Variants in PSMA1 observed in about 807,000 individuals in gnomAD.
PSMA1 encodes the protein proteasome subunit alpha type-1.
PSMA1 carries 3 observed loss-of-function variants against 38.4 expected under a neutral mutation model. The observed-to-expected ratio is 0.08, with a 90% CI of 0.04 to 0.20. PSMA1 has a LOEUF of 0.20. Ranked by LOEUF, PSMA1 falls within the 10% of genes least tolerant of loss-of-function variation. The pLI, the probability that PSMA1 is intolerant of heterozygous loss-of-function variation, is 1.00. For synonymous variants in PSMA1, 101 were observed against 107.1 expected (o/e 0.94, Z 0.35); for missense variants, 227 against 325.3 (o/e 0.70, Z 2.32).
At chr11:14,638,541 CTCTCTATA>C (rs1397056513) in intron 1 of PSMA1, among the ~76,000 whole-genome samples, 12 of 15,700 alleles carry the variant, frequency 7.6e-4, no homozygotes, top group Admixed American at 1.1e-3. Flanking sequence ...CTCTCTCTCT[CTCTCTATA>C]TATATATATA....
intron 2 of PSMA1, among the ~76,000 whole-genome samples, chr11:14,591,879 C>T (rs915745706): frequency 2.6e-5 from 4 of 152,144 alleles, no homozygotes; most frequent in African/African-American, 7.2e-5. Context: ...CCCTTCCACA[C>T]TGTGGAAGGT....
intron 1 of PSMA1, among the ~76,000 whole-genome samples, chr11:14,626,039 T>C (rs556339504): frequency 9.9e-5 from 15 of 152,218 alleles, no homozygotes; most frequent in Admixed American, 9.8e-4. Flanking sequence ...CAAATGCCAA[T>C]TCAAAAAACG....
intron 1 of PSMA1, among the ~76,000 whole-genome samples, chr11:14,633,210 G>A (rs1186809377): frequency 4.0e-5 from 6 of 151,196 alleles, no homozygotes; most frequent in African/African-American, 7.3e-5. Context: ...GAGGAGAGGC[G>A]CTCTGCTTTT....
chr11:14,597,205 CT>C (rs893015702), intron 2 of PSMA1, among the ~76,000 whole-genome samples: 1 of 151,984 alleles, frequency 6.6e-6, no homozygotes, highest in Non-Finnish European at 1.5e-5. Flanking sequence ...TCTAAAATTA[CT>C]TTTTTTGTTG....
intron 2 of PSMA1, among the ~76,000 whole-genome samples, chr11:14,605,864 T>C (rs1326214478): frequency 1.3e-5 from 2 of 152,180 alleles, no homozygotes; most frequent in South Asian, 2.1e-4. Context: ...TCTTTTGCTA[T>C]GCAGAATCTC....
chr11:14,554,744 T>C (rs1394221985), intron 2 of PSMA1, among the ~76,000 whole-genome samples: 1 of 152,186 alleles, frequency 6.6e-6, no homozygotes, highest in African/African-American at 2.4e-5. Flanking sequence ...TAAAAGTGGA[T>C]TTTTTAAACG....
chr11:14,583,416 G>A (rs1385642843), intron 2 of PSMA1, among the ~76,000 whole-genome samples: 1 of 152,032 alleles, frequency 6.6e-6, no homozygotes, highest in African/African-American at 2.4e-5. Flanking sequence ...GTGCCTTCAG[G>A]GCAACAGAGG....
At chr11:14,600,239 A>G (rs1852563209) in intron 2 of PSMA1, among the ~76,000 whole-genome samples, 1 of 152,224 alleles carries the variant, frequency 6.6e-6, no homozygotes. Context: ...CCGTTCTCAG[A>G]GCTCAAACGC....
chr11:14,568,846 GGAC>G (rs1360488035), intron 2 of PSMA1, among the ~76,000 whole-genome samples: 1 of 152,126 alleles, frequency 6.6e-6, no homozygotes, highest in Non-Finnish European at 1.5e-5. Flanking sequence ...ACTGTAGCGG[GGAC>G]ATCTTTCTTG....
At chr11:14,602,976 A>C (rs938683864) in intron 2 of PSMA1, among the ~76,000 whole-genome samples, 1 of 152,192 alleles carries the variant, frequency 6.6e-6, no homozygotes, top group African/African-American at 2.4e-5. Context: ...CACCCACACT[A>C]TAGATGTGGG....
intron 2 of PSMA1, among the ~76,000 whole-genome samples, chr11:14,537,553 T>C (rs1221417641): frequency 6.6e-6 from 1 of 151,606 alleles, no homozygotes; most frequent in Non-Finnish European, 1.5e-5. Context: ...AGGGTTTTTT[T>C]TTTTTTTCAG....
chr11:14,633,836 C>T (rs1439291550), intron 1 of PSMA1, among the ~76,000 whole-genome samples: 2 of 152,280 alleles, frequency 1.3e-5, no homozygotes, highest in South Asian at 2.1e-4. Flanking sequence ...GATATAATCT[C>T]GTGATGCGCC....
At chr11:14,544,579 T>G (rs1415603627) in intron 2 of PSMA1, among the ~76,000 whole-genome samples, 1 of 152,182 alleles carries the variant, frequency 6.6e-6, no homozygotes, top group Non-Finnish European at 1.5e-5. Context: ...ATAGAAGATG[T>G]TCAACATCAT....
chr11:14,585,031 T>C (rs890365011), intron 2 of PSMA1, among the ~76,000 whole-genome samples: 1 of 152,248 alleles, frequency 6.6e-6, no homozygotes, highest in Non-Finnish European at 1.5e-5. Flanking sequence ...ATAGAAGATA[T>C]TCATGTTACT....
chr11:14,585,798 C>T (rs1374387060), intron 2 of PSMA1, among the ~76,000 whole-genome samples: 1 of 152,132 alleles, frequency 6.6e-6, no homozygotes, highest in Non-Finnish European at 1.5e-5. Flanking sequence ...TGGAATCTAT[C>T]CAGAGAGCTC....
chr11:14,627,630 T>C (rs1852930607), intron 1 of PSMA1, among the ~76,000 whole-genome samples: 1 of 152,182 alleles, frequency 6.6e-6, no homozygotes, highest in South Asian at 2.1e-4. Context: ...AATTGTCCCA[T>C]GTGTTGTAAA....
chr11:14,519,421 C>G (rs1405883231), intron 1 of PSMA1, among the ~76,000 whole-genome samples: 1 of 152,146 alleles, frequency 6.6e-6, no homozygotes. Flanking sequence ...GCTTAAATGT[C>G]GATTTCTTGA....
At chr11:14,535,216 G>C (rs771354946) in intron 2 of PSMA1, among the ~76,000 whole-genome samples, 26 of 150,832 alleles carry the variant, frequency 1.7e-4, no homozygotes, top group Non-Finnish European at 1.3e-4. Context: ...GGAATTAATA[G>C]ACATAATTGG....
chr11:14,584,723 C>T (rs536529438), intron 2 of PSMA1, among the ~76,000 whole-genome samples: 1 of 152,280 alleles, frequency 6.6e-6, no homozygotes, highest in Non-Finnish European at 1.5e-5. Flanking sequence ...TTGCTTCCTG[C>T]TTTTAGTCCC....
Sources: allele counts gnomAD v4.1 joint callset (sites outside exome capture counted in the v4.1 genomes callset), GRCh38; gene constraint gnomAD v4.1.1; transcripts MANE v1.5; gene names NCBI Gene and HGNC (gene_info 2026-07-23, HGNC 2026-07-21).